TEK: variants seen among roughly 807,000 people sequenced by gnomAD.
TEK encodes TEK receptor tyrosine kinase.
Under a neutral mutation model 131.8 loss-of-function variants are expected in TEK, and 43 were observed. The observed-to-expected ratio is 0.33, with a 90% CI of 0.26 to 0.42. The LOEUF is 0.42. Ranked by LOEUF, TEK falls within the 10% of genes least tolerant of loss-of-function variation. The pLI is 1.00. For synonymous variants in TEK, 580 were observed against 491.6 expected (o/e 1.18, Z -2.38); for missense variants, 1,162 against 1,384.4 (o/e 0.84, Z 2.55).
In TEK at chr9:27,168,509, G is replaced by T. The variant is rs539107517; in HGVS notation, c.379G>T (p.Ala127Ser). 1 of 1,613,538 alleles carries T rather than the reference G, an allele frequency of 6.2e-7. No homozygotes were observed. The highest frequency in any genetic ancestry group is 1.1e-5 in the South Asian group (1 of 91,054). Residue 127 changes from alanine to serine, a missense_variant, in exon 3 of 23, where the codon GCT (alanine) becomes TCT (serine). By Grantham distance (99) the Ala-to-Ser change is moderately conservative. This residue lies in a region of TEK where 436 missense variants were observed against 539.1 expected (regional missense o/e 0.81). Transcript: ENST00000380036. ...TCTTTTAAAAGCTTCCTTCCTACCA[G>T]CTACTTTAACTATGACTGTGGACAA... ...KMRQQASFLP[A>S]TLTMTVDKGD...
chr9:27,191,869 G>GA (rs1824836429), intron 10 of TEK: 2 of 448,062 alleles, frequency 4.5e-6, no homozygotes, highest in Non-Finnish European at 4.5e-6. Context: ...ACACATCCCA[G>GA]TTTTTTTTCT....
At chr9:27,219,652 G>C (rs1001565052) in intron 20 of TEK, among the ~76,000 whole-genome samples, 14 of 56,674 alleles carry the variant, frequency 2.5e-4, no homozygotes, top group South Asian at 7.2e-4. Flanking sequence ...CAACATGCAT[G>C]GCTTTTGTAA....
rs12344397 is a variant in TEK, at chr9:27,176,855, C to A, written c.902-3385C>A. ...CCAACATCTCCCCATTTCCTCCACCCTGTAGTCCCTGGGAACCACTATGCT... is the reference window on the plus strand; with the variant it reads ...CCAACATCTCCCCATTTCCTCCACCATGTAGTCCCTGGGAACCACTATGCT... On this transcript the variant is annotated intron_variant, in intron 6 of 22. Transcript: ENST00000380036. Among the ~76,000 whole-genome samples the A allele has an allele frequency of 6.5e-3, 989 of 152,330 alleles. 13 individuals are homozygous for A. Among genetic ancestry groups the A allele is most frequent in the African/African-American group, 0.022 (923 of 41,566 alleles).
chr9:27,205,120 C>A (rs1387199340), intron 14 of TEK, 55 bp downstream of exon 14: 4 of 1,605,968 alleles, frequency 2.5e-6, no homozygotes, highest in East Asian at 4.5e-5. Context: ...ACAGGCAGAA[C>A]CTTCACTTTA....
Position 27,220,079 on chromosome 9 carries a change from C to T in TEK, c.3134C>T (p.Ala1045Val), listed in dbSNP as rs1826002273. Reference protein sequence around the residue: ...GGTPYCGMTCAELYEKLPQGY... With the variant: ...GGTPYCGMTCVELYEKLPQGY... ...ACACCCTACTGCGGGATGACTTGTG[C>T]AGAACTCTACGAGAAGCTGCCCCAG... Residue 1045 changes from alanine (A) to valine (V), a missense_variant, in exon 21 of 23, where the codon GCA becomes GTA. Transcript: ENST00000380036. The T allele has an allele frequency of 1.2e-6, 2 of 1,613,952 alleles. No individual in the cohort carries two copies. Among genetic ancestry groups the T allele is most frequent in the African/African-American group, 2.7e-5 (2 of 74,900 alleles).
chr9:27,160,512 G>A (rs555297049), intron 2 of TEK, among the ~76,000 whole-genome samples: 2 of 152,272 alleles, frequency 1.3e-5, no homozygotes, highest in East Asian at 3.9e-4. Flanking sequence ...GTTTGGGACA[G>A]TCCTGGGATT....
At chr9:27,110,172 C>CT (rs56159018) in intron 1 of TEK, among the ~76,000 whole-genome samples, 3,207 of 144,720 alleles carry the variant, frequency 0.022, 49 homozygotes, top group Admixed American at 0.029. Flanking sequence ...AAATTGTAGG[C>CT]TTTTTTTTTT....
rs138706964 is a variant in TEK, at chr9:27,215,808, G to C, written c.2992-1880G>C. On this transcript the variant is annotated intron_variant, in intron 18 of 22. Transcript: ENST00000380036. ...GATTGTAACAGCTGATAAATGCAAA[G>C]AGCAAGGAAAGCATAGATGCTACGG... Among the ~76,000 whole-genome samples, 5 of 152,258 alleles carry C rather than the reference G, an allele frequency of 3.3e-5. No homozygotes were observed. The East Asian group carries it at 9.7e-4, about 29-fold the overall frequency.
At position 27,229,834 on chromosome 9, in the gene TEK, G is replaced by T. The variant is rs775906962; in HGVS notation, c.*602G>T. On this transcript the variant is annotated 3_prime_UTR_variant, in exon 23 of 23. Transcript: ENST00000380036. The stretch of plus-strand genomic sequence containing the variant: ...ACTCTGTCTTGTGTTTCCACAGCCT[G>T]CAAGTCAGTCCAGGATGCTAACATC... The T allele has an allele frequency of 2.6e-5, 4 of 156,506 alleles. No individual in the cohort carries two copies. The highest frequency in any genetic ancestry group is 5.7e-5 in the Non-Finnish European group (4 of 70,582). The allele number at this position is 156,506 out of a possible 1,614,324, so 9.7% of individuals were successfully genotyped here.
chr9:27,203,098 G>C lies in TEK; in HGVS notation c.2188G>C (p.Val730Leu), dbSNP rs1343917388. The C allele has an allele frequency of 6.2e-7, 1 of 1,614,080 alleles. No individual in the cohort carries two copies. Among genetic ancestry groups the C allele is most frequent in the Non-Finnish European group, 8.5e-7 (1 of 1,179,984 alleles). Residue 730 changes from valine to leucine, a missense_variant, in exon 13 of 23, where the codon GTG becomes CTG. This residue lies in a region of TEK where 477 missense variants were observed against 471.0 expected (regional missense o/e 1.01). Coordinates refer to ENST00000380036, the MANE Select transcript of TEK (RefSeq NM_000459.5). Reference sequence around the variant, plus strand: ...CAACCCAGCCTTTTCTCATGAACTGGTGACCCTCCCAGAATCTCAAGGTTG... The same window carrying C: ...CAACCCAGCCTTTTCTCATGAACTGCTGACCCTCCCAGAATCTCAAGGTTG... The part of the protein sequence containing the change: ...SSNPAFSHEL[V>L]TLPESQAPAD...
chr9:27,126,810 G>T (rs1462073191), intron 1 of TEK, among the ~76,000 whole-genome samples: 4 of 152,100 alleles, frequency 2.6e-5, no homozygotes, highest in Admixed American at 2.6e-4. Context: ...GCCAGAGGAT[G>T]GAAGGATTTT....
intron 15 of TEK, among the ~76,000 whole-genome samples, chr9:27,208,622 C>A (rs1398309924): frequency 2.0e-5 from 3 of 152,178 alleles, no homozygotes; most frequent in Non-Finnish European, 4.4e-5. Context: ...AGTTAGTGAA[C>A]AAAGAGGCAT....
chr9:27,225,542 G>A (rs1826286972), intron 21 of TEK, among the ~76,000 whole-genome samples: 1 of 152,184 alleles, frequency 6.6e-6, no homozygotes, highest in Non-Finnish European at 1.5e-5. Context: ...GCCATATGCA[G>A]AAAACTGAAA....
chr9:27,152,611 A>T (rs768683670), intron 1 of TEK, among the ~76,000 whole-genome samples: 7 of 147,526 alleles, frequency 4.7e-5, no homozygotes, highest in Non-Finnish European at 1.1e-4. Flanking sequence ...GCAAAAAAAT[A>T]AAATAAAATA....
chr9:27,228,662 G>A (rs1019443631), intron 22 of TEK, among the ~76,000 whole-genome samples: 2 of 152,184 alleles, frequency 1.3e-5, no homozygotes, highest in Non-Finnish European at 2.9e-5. Flanking sequence ...AACAGAGCCT[G>A]ACCTGCAGGT....
At chr9:27,219,965 G>A in intron 20 of TEK, 84 bp from the exon 21 acceptor site, 2 of 1,398,090 alleles carry the variant, frequency 1.4e-6, no homozygotes, top group Middle Eastern at 1.9e-4. Context: ...TCTTCCTCCT[G>A]GCCCCTTATA....
At chr9:27,127,970 C>G (rs1227826416) in intron 1 of TEK, among the ~76,000 whole-genome samples, 2 of 152,162 alleles carry the variant, frequency 1.3e-5, no homozygotes, top group African/African-American at 4.8e-5. Flanking sequence ...TGCAGAAGCT[C>G]TTTAGTTTAA....
At chr9:27,149,073 G>T (rs765136005) in intron 1 of TEK, among the ~76,000 whole-genome samples, 4 of 151,678 alleles carry the variant, frequency 2.6e-5, no homozygotes, top group Non-Finnish European at 5.9e-5. Context: ...AGTAATAAAG[G>T]TTTATTGAAT....
chr9:27,178,315 C>G (rs1193671212), intron 6 of TEK, among the ~76,000 whole-genome samples: 1 of 151,884 alleles, frequency 6.6e-6, no homozygotes, highest in Non-Finnish European at 1.5e-5. Context: ...TTCCGTTGGT[C>G]TATATGTGTG....
Sources: allele counts gnomAD v4.1 joint callset (sites outside exome capture counted in the v4.1 genomes callset), GRCh38; gene constraint gnomAD v4.1.1; regional missense constraint gnomAD v4.1.1; transcripts MANE v1.5; gene names NCBI Gene and HGNC (gene_info 2026-07-23, HGNC 2026-07-21).